The following CDH12 variants were observed in gnomAD, a reference collection of about 807,000 sequenced individuals.
CDH12 encodes cadherin 12.
CDH12 carries 41 observed loss-of-function variants against 74.1 expected under a neutral mutation model. The observed-to-expected ratio is 0.55, with a 90% confidence interval of 0.43 to 0.72. The LOEUF (loss-of-function observed/expected upper bound fraction) is 0.72. CDH12 is among the 30% of genes least tolerant of loss of function. CDH12 has a pLI of 0.00. For missense variants in CDH12, 945 were observed against 977.2 expected (o/e 0.97, Z 0.44); for synonymous variants, 399 against 355.0 (o/e 1.12, Z -1.39).
rs1320077320 is a variant in CDH12 at position 22,431,997 on chromosome 5, G to GCCCTAGGCGTTCAAATTCACTCA, written c.-427-26669_-427-26647dup. ...CAAGTTTACAGTAGTATACAGTAAT[G>GCCCTAGGCGTTCAAATTCACTCA]CCCTAGGCGTTCAAATTCACTCACC... On this transcript the variant is annotated intron_variant, in intron 2 of 14. Transcript: ENST00000382254. Among the ~76,000 whole-genome samples, 7 of 152,198 alleles carry GCCCTAGGCGTTCAAATTCACTCA rather than the reference G, an allele frequency of 4.6e-5. No individual in the cohort carries two copies. In the East Asian group the frequency reaches 1.4e-3, roughly 29 times the overall value.
chr5:22,709,557 T>C (rs1422355778), intron 1 of CDH12, among the ~76,000 whole-genome samples: 1 of 152,246 alleles, frequency 6.6e-6, no homozygotes, highest in Non-Finnish European at 1.5e-5. Context: ...AGCAAATGTA[T>C]ATTCTTCTGT....
intron 1 of CDH12, among the ~76,000 whole-genome samples, chr5:22,735,566 T>A (rs1186433603): frequency 6.6e-6 from 1 of 151,932 alleles, no homozygotes; most frequent in Non-Finnish European, 1.5e-5. Context: ...AAGTTTTAGT[T>A]CCTAAAGTAG....
In CDH12 at chr5:21,802,243, A is replaced by G; in HGVS notation, c.1180T>C (p.Tyr394His). The change falls in exon 10 of 15, where the codon TAT becomes CAT. Residue 394 changes from tyrosine (Y) to histidine (H), a missense_variant. Coordinates refer to ENST00000382254, the MANE Select transcript of CDH12 (RefSeq NM_004061.5). ...FSKPLYTMEV[Y>H]EDTPVGTIIG... ...ATGGTCCCTACCGGAGTGTCTTCAT[A>G]AACCTCCATGGTGTAGAGCGGCTTG... is the stretch of plus-strand genomic sequence containing the variant. 1.2e-6 allele frequency: 2 copies of G among 1,613,892 alleles called. No homozygotes were observed. Among genetic ancestry groups the G allele is most frequent in the East Asian group, 4.5e-5 (2 of 44,774 alleles).
intron 4 of CDH12, among the ~76,000 whole-genome samples, chr5:22,132,056 T>C (rs1409831735): frequency 6.6e-6 from 1 of 152,094 alleles, no homozygotes; most frequent in Non-Finnish European, 1.5e-5. Context: ...TTTGGGAACT[T>C]CTTTTTTTAT....
chr5:22,787,187 T>C (rs1580999837), intron 1 of CDH12, among the ~76,000 whole-genome samples: 1 of 152,022 alleles, frequency 6.6e-6, no homozygotes, highest in East Asian at 1.9e-4. Context: ...TCTTGATTAC[T>C]TGCAAACAAG....
At chr5:22,685,717 A>G (rs925550385) in intron 1 of CDH12, among the ~76,000 whole-genome samples, 1 of 152,230 alleles carries the variant, frequency 6.6e-6, no homozygotes, top group Non-Finnish European at 1.5e-5. Flanking sequence ...CAATGTCGTA[A>G]CATGCATCAT....
intron 4 of CDH12, among the ~76,000 whole-genome samples, chr5:22,081,887 G>GT (rs1283457826): frequency 6.6e-6 from 1 of 152,146 alleles, no homozygotes. Context: ...TGTCTATAGT[G>GT]TGGAAAAATT....
chr5:21,884,001 A>T, intron 6 of CDH12: 5 of 1,536,630 alleles, frequency 3.3e-6, no homozygotes, highest in Non-Finnish European at 4.5e-6. Context: ...TATTAAAAGA[A>T]CACTCAAAAT....
chr5:22,542,700 CA>C (rs1243750904), intron 1 of CDH12, among the ~76,000 whole-genome samples: 6 of 151,970 alleles, frequency 3.9e-5, no homozygotes, highest in Admixed American at 3.3e-4. Context: ...AGCAATGAAG[CA>C]ATGTAAGATG....
chr5:22,154,027 C>T (rs1466885113), intron 4 of CDH12, among the ~76,000 whole-genome samples: 3 of 148,132 alleles, frequency 2.0e-5, no homozygotes, highest in Non-Finnish European at 4.5e-5. Flanking sequence ...AGGCATGAGC[C>T]ATCTCGTCTG....
intron 6 of CDH12, among the ~76,000 whole-genome samples, chr5:21,876,547 T>C (rs1751948585): frequency 6.6e-6 from 1 of 152,226 alleles, no homozygotes; most frequent in African/African-American, 2.4e-5. Context: ...ATAGTCTCTT[T>C]CATTGACTAA....
intron 1 of CDH12, among the ~76,000 whole-genome samples, chr5:22,664,474 G>A (rs1236969024): frequency 6.6e-6 from 1 of 152,130 alleles, no homozygotes; most frequent in Non-Finnish European, 1.5e-5. Flanking sequence ...CACGAGAAGA[G>A]CATGGGGAAA....
intron 3 of CDH12, among the ~76,000 whole-genome samples, chr5:22,244,804 A>AAAGAAAG (rs1561251421): frequency 6.7e-5 from 8 of 120,260 alleles, no homozygotes; most frequent in Non-Finnish European, 9.1e-5. Flanking sequence ...AAGAAAGAAA[A>AAAGAAAG]ATTCAAAGTA....
intron 3 of CDH12, among the ~76,000 whole-genome samples, chr5:22,295,114 T>A (rs1403336553): frequency 6.6e-6 from 1 of 152,174 alleles, no homozygotes; most frequent in African/African-American, 2.4e-5. Flanking sequence ...TCACCTTTTG[T>A]TTCAGCAAAG....
chr5:21,882,513 A>G (rs1752405955), intron 6 of CDH12: 1 of 820,802 alleles, frequency 1.2e-6, no homozygotes, highest in Non-Finnish European at 2.1e-6. Context: ...AAAGTGATAT[A>G]TTAGCACTCT....
At chr5:22,501,931 G>A (rs908325408) in intron 2 of CDH12, among the ~76,000 whole-genome samples, 12 of 152,030 alleles carry the variant, frequency 7.9e-5, no homozygotes, top group African/African-American at 2.7e-4. Flanking sequence ...TGTTTTCTGA[G>A]TGTCAGGACC....
chr5:22,663,285 A>G (rs1297251491), intron 1 of CDH12, among the ~76,000 whole-genome samples: 1 of 152,216 alleles, frequency 6.6e-6, no homozygotes, highest in Non-Finnish European at 1.5e-5. Flanking sequence ...TATCTTGTGC[A>G]ACAAAATCTC....
At chr5:22,048,709 C>T (rs1173052991) in intron 5 of CDH12, among the ~76,000 whole-genome samples, 1 of 152,024 alleles carries the variant, frequency 6.6e-6, no homozygotes, top group African/African-American at 2.4e-5. Flanking sequence ...AGGGAGAGAA[C>T]ATATATTATC....
chr5:22,478,350 G>A (rs376779609), intron 2 of CDH12, among the ~76,000 whole-genome samples: 61 of 148,488 alleles, frequency 4.1e-4, no homozygotes, highest in East Asian at 2.0e-3. Context: ...CCTGGGAGGC[G>A]GAGCTTTCAG....
Sources: allele counts gnomAD v4.1 joint callset (sites outside exome capture counted in the v4.1 genomes callset), GRCh38; gene constraint gnomAD v4.1.1; transcripts MANE v1.5; gene names NCBI Gene and HGNC (gene_info 2026-07-23, HGNC 2026-07-21).